The following NKAIN3 variants were observed in gnomAD, a reference collection of about 807,000 sequenced individuals.
The protein encoded by NKAIN3 is sodium/potassium transporting ATPase interacting 3.
A neutral mutation model predicts 30.2 loss-of-function variants in NKAIN3; 25 were observed. The ratio of observed to expected loss-of-function variants is 0.83; its 90% CI spans 0.60 to 1.16. The LOEUF is 1.16. Ranked by LOEUF, NKAIN3 falls within the 50% of genes most tolerant of loss-of-function variation. The probability of loss-of-function intolerance (pLI) is 0.00; values close to 1 mark genes in which losing one functional copy is unlikely to be tolerated. For missense variants in NKAIN3, 225 were observed against 254.1 expected, an observed-to-expected ratio of 0.89 and a Z score of 0.78; for synonymous variants, 91 against 89.6, an observed-to-expected ratio of 1.02 and a Z score of -0.09.
At chr8:62,634,810 A>T (rs1812074857) in intron 3 of NKAIN3, among the ~76,000 whole-genome samples, 1 of 152,176 alleles carries the variant, frequency 6.6e-6, no homozygotes, top group Non-Finnish European at 1.5e-5. Context: ...GATAAACCAA[A>T]CAAGAATGGA....
intron 1 of NKAIN3, among the ~76,000 whole-genome samples, chr8:62,527,568 T>C (rs1262849956): frequency 6.6e-6 from 1 of 152,212 alleles, no homozygotes; most frequent in African/African-American, 2.4e-5. Flanking sequence ...GAGAATTTAC[T>C]ACCATTATGA....
At chr8:62,960,509 C>A (rs1368262959) in intron 6 of NKAIN3, among the ~76,000 whole-genome samples, 1 of 151,426 alleles carries the variant, frequency 6.6e-6, no homozygotes, top group Non-Finnish European at 1.5e-5. Context: ...CACCACCACC[C>A]CTGAAAAAAA....
chr8:62,852,049 C>A (rs1819921090), intron 4 of NKAIN3, among the ~76,000 whole-genome samples: 1 of 152,102 alleles, frequency 6.6e-6, no homozygotes. Flanking sequence ...CCTCCTTCTA[C>A]CTCTGGTAGA....
rs540984139 is a variant in NKAIN3 at position 62,742,078 on chromosome 8, C to T, written c.274-4854C>T. Among the ~76,000 whole-genome samples, 67 of 151,954 alleles carry T rather than the reference C, an allele frequency of 4.4e-4. 1 individual carries two copies. The highest frequency in any genetic ancestry group is 1.5e-3 in the African/African-American group (64 of 41,426). ...AGCTGGGACTCTTTTTCACAAAAGG[C>T]AGATTAATAAGAAACTTGAAACAAG... On this transcript the variant is annotated intron_variant, in intron 3 of 6. Transcript: ENST00000623646.
chr8:62,744,856 C>G (rs1295855166), intron 3 of NKAIN3, among the ~76,000 whole-genome samples: 3 of 152,122 alleles, frequency 2.0e-5, no homozygotes, highest in Admixed American at 2.0e-4. Flanking sequence ...AGTGCTACAA[C>G]TGTGAAGGTA....
Position 62,273,192 on chromosome 8 carries a change from T to C in NKAIN3, c.54+24065T>C, listed in dbSNP as rs1423293368. Among the ~76,000 whole-genome samples the C allele has an allele frequency of 2.0e-5, 3 of 152,340 alleles. No homozygotes were observed. The East Asian group carries it at 5.8e-4, about 29-fold the overall frequency. ...ATATTAGATTAAAATAGAAATTTAG[T>C]GCTTTTTAATTATGTCTGTTCATAT... On this transcript the variant is annotated intron_variant, in intron 1 of 6. Coordinates refer to ENST00000623646, the MANE Select transcript of NKAIN3 (RefSeq NM_001304533.3).
At chr8:62,791,961 G>T (rs923460844) in intron 4 of NKAIN3, among the ~76,000 whole-genome samples, 1 of 152,072 alleles carries the variant, frequency 6.6e-6, no homozygotes, top group African/African-American at 2.4e-5. Context: ...TGATATGTAT[G>T]CATTGTGAGA....
intron 1 of NKAIN3, among the ~76,000 whole-genome samples, chr8:62,495,022 G>A (rs894955965): frequency 1.3e-5 from 2 of 151,998 alleles, no homozygotes; most frequent in Non-Finnish European, 2.9e-5. Context: ...AAAGAACAAT[G>A]TCTGTTTTAA....
At chr8:62,327,408 G>T (rs1468189132) in intron 1 of NKAIN3, among the ~76,000 whole-genome samples, 1 of 151,964 alleles carries the variant, frequency 6.6e-6, no homozygotes. Flanking sequence ...ATGTTGTGAA[G>T]ATTTTGCTCT....
chr8:62,287,535 T>G (rs1813418264), intron 1 of NKAIN3, among the ~76,000 whole-genome samples: 1 of 152,128 alleles, frequency 6.6e-6, no homozygotes, highest in South Asian at 2.1e-4. Flanking sequence ...CTCAGCTTTT[T>G]GGGGGGAATT....
intron 4 of NKAIN3, among the ~76,000 whole-genome samples, chr8:62,824,470 C>A (rs986609446): frequency 1.3e-5 from 2 of 149,854 alleles, no homozygotes; most frequent in African/African-American, 5.0e-5. Flanking sequence ...GCAGTCTAAG[C>A]GGAAAAAATA....
At position 62,892,515 on chromosome 8, in the gene NKAIN3, C is replaced by G. The variant is rs1158035102; in HGVS notation, c.472-25938C>G. 2.0e-5 allele frequency among the ~76,000 whole-genome samples: 3 copies of G among 152,220 alleles called. No individual in the cohort carries two copies. In the East Asian group the frequency reaches 5.8e-4, roughly 29 times the overall value. On this transcript the variant is annotated intron_variant, in intron 4 of 6. Transcript: ENST00000623646. Reference sequence around the variant, plus strand: ...TGATTATTAGTACCCTAGTGAAATGCTGAAATCACATGTTTGAAAATACAG... The same window carrying G: ...TGATTATTAGTACCCTAGTGAAATGGTGAAATCACATGTTTGAAAATACAG...
intron 1 of NKAIN3, among the ~76,000 whole-genome samples, chr8:62,523,065 T>A (rs1267356731): frequency 6.6e-6 from 1 of 152,132 alleles, no homozygotes; most frequent in Non-Finnish European, 1.5e-5. Flanking sequence ...TCCTGCAAGC[T>A]CCACTCATGA....
rs1014083857 is a variant in NKAIN3 at position 62,275,165 on chromosome 8, C to T, written c.54+26038C>T. On this transcript the variant is annotated intron_variant, in intron 1 of 6. Coordinates refer to ENST00000623646, the MANE Select transcript of NKAIN3 (RefSeq NM_001304533.3). The stretch of plus-strand genomic sequence containing the variant: ...TTCTAGTTCTAGATCCCTGAGGAAT[C>T]GCCACACTGACTTCCACAATGGTTG... 2.4e-4 allele frequency among the ~76,000 whole-genome samples: 37 copies of T among 152,146 alleles called. No homozygotes were observed. The South Asian group carries it at 3.3e-3, about 14-fold the overall frequency.
At chr8:62,583,884 A>G (rs1301568416) in intron 2 of NKAIN3, among the ~76,000 whole-genome samples, 2 of 152,246 alleles carry the variant, frequency 1.3e-5, no homozygotes, top group East Asian at 1.9e-4. Context: ...ATCTATGAGT[A>G]TGAGAAATCT....
rs1394258361 is a variant in NKAIN3, at chr8:62,970,985, G to T, written c.*5578G>T. ...TGACAATGGATTAAATAACATAGAGGTCTATTTCTCTTTTTATTTCGAAAT... is the reference window on the plus strand; with the variant it reads ...TGACAATGGATTAAATAACATAGAGTTCTATTTCTCTTTTTATTTCGAAAT... On this transcript the variant is annotated 3_prime_UTR_variant, in exon 7 of 7. Coordinates refer to ENST00000623646, the MANE Select transcript of NKAIN3 (RefSeq NM_001304533.3). Among the ~76,000 whole-genome samples, 1 of 152,122 alleles carries T rather than the reference G, an allele frequency of 6.6e-6. No individual in the cohort carries two copies. Among genetic ancestry groups the T allele is most frequent in the Non-Finnish European group, 1.5e-5 (1 of 68,010 alleles).
At chr8:62,603,038 T>C (rs1811029475) in intron 3 of NKAIN3, among the ~76,000 whole-genome samples, 1 of 152,172 alleles carries the variant, frequency 6.6e-6, no homozygotes, top group African/African-American at 2.4e-5. Context: ...TCTGTGTTTT[T>C]GAAGACAATT....
At chr8:62,687,729 T>C (rs748632763) in intron 3 of NKAIN3, among the ~76,000 whole-genome samples, 3 of 152,234 alleles carry the variant, frequency 2.0e-5, no homozygotes, top group Non-Finnish European at 4.4e-5. Flanking sequence ...CCAGTCAACA[T>C]TATCGTTTTC....
At chr8:62,676,279 A>G (rs1437029810) in intron 3 of NKAIN3, among the ~76,000 whole-genome samples, 1 of 152,246 alleles carries the variant, frequency 6.6e-6, no homozygotes, top group Non-Finnish European at 1.5e-5. Flanking sequence ...TATTGAAAGT[A>G]TACTATCGGC....
Sources: allele counts gnomAD v4.1 joint callset (sites outside exome capture counted in the v4.1 genomes callset), GRCh38; gene constraint gnomAD v4.1.1; transcripts MANE v1.5; gene names NCBI Gene and HGNC (gene_info 2026-07-23, HGNC 2026-07-21).